ZFP90: variants seen among roughly 807,000 people sequenced by gnomAD.
ZFP90 encodes zinc finger protein 90 homolog.
In ZFP90, 38 loss-of-function variants were observed where a neutral mutation model predicts 60.8. The observed-to-expected ratio is 0.62, with a 90% confidence interval of 0.48 to 0.82. The LOEUF is 0.82. ZFP90 is among the 40% of genes least tolerant of loss of function. The pLI, the probability that ZFP90 is intolerant of heterozygous loss-of-function variation, is 0.00. For missense variants in ZFP90, 711 were observed against 759.1 expected (o/e 0.94, Z 0.74); for synonymous variants, 287 against 264.8 (o/e 1.08, Z -0.82).
intron 2 of ZFP90, among the ~76,000 whole-genome samples, chr16:68,549,382 T>C (rs1039559755): frequency 1.3e-5 from 2 of 150,410 alleles, no homozygotes; most frequent in African/African-American, 5.0e-5. Context: ...TGAAAAGGAG[T>C]TTAAGAAATT....
At chr16:68,546,856 T>C (rs1014761132) in intron 2 of ZFP90, among the ~76,000 whole-genome samples, 2 of 152,228 alleles carry the variant, frequency 1.3e-5, no homozygotes, top group African/African-American at 2.4e-5. Flanking sequence ...ATTTCACTTA[T>C]TATAATGTCT....
chr16:68,566,402 A>C lies in ZFP90; in HGVS notation c.*1704A>C, dbSNP rs759908228. Reference sequence around the variant, plus strand: ...AAGATATTGGTCGTATTGATGGTGAACCTTTCCTACTGGATTCTTTGCATG... The same window carrying C: ...AAGATATTGGTCGTATTGATGGTGACCCTTTCCTACTGGATTCTTTGCATG... On this transcript the variant is annotated 3_prime_UTR_variant, in exon 5 of 5. Coordinates refer to ENST00000563169, the MANE Select transcript of ZFP90 (RefSeq NM_001305203.2). 1.0e-4 allele frequency: 103 copies of C among 985,414 alleles called. No homozygotes were observed. The highest frequency in any genetic ancestry group is 4.9e-4 in the Admixed American group (8 of 16,256). The allele number at this position is 985,414 out of a possible 1,614,324, so 61.0% of individuals were successfully genotyped here. A position where few individuals can be genotyped will look rare whatever the true frequency, so the allele number is the denominator to read the frequency against.
intron 2 of ZFP90, among the ~76,000 whole-genome samples, chr16:68,555,539 G>GAT (rs1195521156): frequency 1.3e-5 from 2 of 152,174 alleles, no homozygotes; most frequent in African/African-American, 4.8e-5. Context: ...AGGAAACAGA[G>GAT]ATATAGTGTG....
chr16:68,569,647 AT>A (rs1175734653), downstream of ZFP90, among the ~76,000 whole-genome samples: 4 of 151,988 alleles, frequency 2.6e-5, no homozygotes, highest in African/African-American at 4.8e-5. Context: ...CACACTTTTA[AT>A]CTCAACACTT....
intron 1 of ZFP90, 67 bp downstream of exon 1, chr16:68,539,546 T>A: frequency 4.0e-6 from 2 of 501,324 alleles, no homozygotes; most frequent in Non-Finnish European, 7.0e-6. Flanking sequence ...CCCACCACCC[T>A]GCGAAGGGGA....
chr16:68,548,474 C>CTTTTTTTTTTT (rs551779570), intron 2 of ZFP90, among the ~76,000 whole-genome samples: 3 of 81,084 alleles, frequency 3.7e-5, no homozygotes, highest in African/African-American at 5.3e-5. Context: ...GTTTATCCTC[C>CTTTTTTTTTTT]TTTTTTTTTT....
upstream of ZFP90, among the ~76,000 whole-genome samples, chr16:68,538,727 C>T (rs1296366780): frequency 6.6e-6 from 1 of 150,610 alleles, no homozygotes. Context: ...AAGAAAATTT[C>T]CATCATTGTT....
At chr16:68,536,657 C>CA (rs1333388119), upstream of ZFP90, among the ~76,000 whole-genome samples, 2 of 152,114 alleles carry the variant, frequency 1.3e-5, no homozygotes. Context: ...AGAGGGGTGG[C>CA]ATTGCGTCAG....
In ZFP90 at chr16:68,565,532, G is replaced by A. The variant is rs1012245475; in HGVS notation, c.*834G>A. The stretch of plus-strand genomic sequence containing the variant: ...GAAACTGTAGATGGTTGAACTACTA[G>A]TGACTTTTTTCCCCTTTTCCCAGTT... On this transcript the variant is annotated 3_prime_UTR_variant, in exon 5 of 5. Coordinates refer to ENST00000563169, the MANE Select transcript of ZFP90 (RefSeq NM_001305203.2). 4.0e-5 allele frequency: 39 copies of A among 985,574 alleles called. No individual in the cohort carries two copies. In the African/African-American group the frequency reaches 6.1e-4, roughly 15 times the overall value. The allele number at this position is 985,574 out of a possible 1,614,324, so 61.1% of individuals were successfully genotyped here.
chr16:68,563,007 A>T (rs778268243), intron 4 of ZFP90, 37 bp from the exon 5 acceptor site: 15 of 1,611,970 alleles, frequency 9.3e-6, no homozygotes, highest in Non-Finnish European at 1.3e-5. Flanking sequence ...TTCAACAGGA[A>T]GGAATAGGGG....
Position 68,565,383 on chromosome 16 carries a change from A to G in ZFP90, c.*685A>G. 2.0e-6 allele frequency: 2 copies of G among 985,616 alleles called. No individual in the cohort carries two copies. Among genetic ancestry groups the G allele is most frequent in the Non-Finnish European group, 1.2e-6 (1 of 829,944 alleles). 61.1% of individuals were successfully genotyped at this position (985,616 alleles called of 1,614,324 possible). A position where few individuals can be genotyped will look rare whatever the true frequency, so the allele number is the denominator to read the frequency against. On this transcript the variant is annotated 3_prime_UTR_variant, in exon 5 of 5. Transcript: ENST00000563169. The stretch of plus-strand genomic sequence containing the variant: ...GATGTATCAGATACACAAACATTTA[A>G]TGGGCACCTATGGGTTGGACACTTT...
downstream of ZFP90, among the ~76,000 whole-genome samples, chr16:68,571,889 G>T (rs942577541): frequency 1.3e-5 from 2 of 152,210 alleles, no homozygotes; most frequent in Non-Finnish European, 2.9e-5. Context: ...TAAAAAGGGA[G>T]GGCAGAGGAG....
intron 2 of ZFP90, among the ~76,000 whole-genome samples, chr16:68,550,475 T>TCCTGA (rs1473393503): frequency 6.6e-6 from 1 of 152,146 alleles, no homozygotes; most frequent in Non-Finnish European, 1.5e-5. Context: ...GGTCTCAAAC[T>TCCTGA]CCTGACCTCA....
chr16:68,549,284 G>A (rs946499771), intron 2 of ZFP90, among the ~76,000 whole-genome samples: 7 of 152,134 alleles, frequency 4.6e-5, no homozygotes, highest in Non-Finnish European at 5.9e-5. Context: ...AAAAGATGCT[G>A]GGCAAGACCC....
chr16:68,539,161 G>T (rs1170445), upstream of ZFP90: 116,724 of 152,312 alleles, frequency 0.77, 44,824 homozygotes, highest in East Asian at 0.82. Context: ...CTCGGCCCTC[G>T]CAAGGGTCCC....
At chr16:68,559,931 C>T (rs2091410996) in intron 4 of ZFP90, among the ~76,000 whole-genome samples, 1 of 151,566 alleles carries the variant, frequency 6.6e-6, no homozygotes, top group African/African-American at 2.4e-5. Context: ...TGCAGTGTCT[C>T]TATCACAGCT....
In ZFP90 at chr16:68,564,381, G is replaced by GAA; in HGVS notation, c.1595_1596dup (p.Ala533LysfsTer119). 4 of 1,613,596 alleles carry GAA rather than the reference G, an allele frequency of 2.5e-6. No individual in the cohort carries two copies. The highest frequency in any genetic ancestry group is 3.4e-6 in the Non-Finnish European group (4 of 1,179,860). On this transcript the variant is annotated frameshift_variant, in exon 5 of 5. Coordinates refer to ENST00000563169, the MANE Select transcript of ZFP90 (RefSeq NM_001305203.2). LOFTEE classifies it high-confidence loss of function. ...ACCCTATGAATGTAATGAGTGTGGA[G>GAA]AAGCCTTTAGTCGACGCTCATCGCT... is the stretch of plus-strand genomic sequence containing the variant.
chr16:68,551,933 T>A (rs553469881), intron 2 of ZFP90, among the ~76,000 whole-genome samples: 90 of 151,494 alleles, frequency 5.9e-4, no homozygotes, highest in African/African-American at 1.7e-3. Context: ...TAATTTTTTT[T>A]AAATTTTTAT....
intron 4 of ZFP90, chr16:68,562,785 C>A: frequency 1.5e-6 from 1 of 687,150 alleles, no homozygotes; most frequent in Non-Finnish European, 2.4e-6. Flanking sequence ...CAGTCCTGCT[C>A]ACTTATTTCC....
Sources: gnomAD v4.1 joint callset for allele counts (sites outside exome capture counted in the v4.1 genomes callset) on GRCh38, gnomAD v4.1.1 for gene constraint, MANE v1.5 for transcripts, NCBI Gene and HGNC (gene_info 2026-07-23, HGNC 2026-07-21) for gene names.